Variants in ADAMTS19 observed in about 807,000 individuals in gnomAD.
ADAMTS19 encodes the protein A disintegrin and metalloproteinase with thrombospondin motifs 19.
In ADAMTS19, 93 loss-of-function variants were observed where a neutral mutation model predicts 153.3. The ratio of observed to expected loss-of-function variants is 0.61; its 90% CI spans 0.51 to 0.72. ADAMTS19 has a LOEUF of 0.72. Ranked by LOEUF, ADAMTS19 falls within the 30% of genes least tolerant of loss-of-function variation. ADAMTS19 has a pLI of 0.00. For missense variants in ADAMTS19, 1,482 were observed against 1,552.1 expected (o/e 0.95, Z 0.76); for synonymous variants, 600 against 556.6 (o/e 1.08, Z -1.10).
At chr5:129,674,006 G>A (rs1016707020) in intron 16 of ADAMTS19, among the ~76,000 whole-genome samples, 47 of 152,178 alleles carry the variant, frequency 3.1e-4, no homozygotes, top group African/African-American at 1.1e-3. Context: ...TGAGGTGGGC[G>A]GATCACCTGA....
chr5:129,711,432 T>C (rs1432224372), intron 21 of ADAMTS19, among the ~76,000 whole-genome samples: 1 of 152,154 alleles, frequency 6.6e-6, no homozygotes, highest in South Asian at 2.1e-4. Flanking sequence ...TCCCAGCACT[T>C]TGGGAGGCCG....
intron 16 of ADAMTS19, among the ~76,000 whole-genome samples, chr5:129,673,021 A>G (rs968485121): frequency 6.6e-6 from 1 of 152,004 alleles, no homozygotes; most frequent in African/African-American, 2.4e-5. Flanking sequence ...ATACTATAAT[A>G]CCTATAAGAA....
intron 8 of ADAMTS19, among the ~76,000 whole-genome samples, chr5:129,612,421 T>C (rs1342995515): frequency 6.6e-6 from 1 of 152,022 alleles, no homozygotes; most frequent in African/African-American, 2.4e-5. Flanking sequence ...CAACCCAGAA[T>C]TTCATATCCA....
At chr5:129,532,562 T>C (rs138217781) in intron 6 of ADAMTS19, among the ~76,000 whole-genome samples, 41 of 152,296 alleles carry the variant, frequency 2.7e-4, no homozygotes, top group African/African-American at 9.4e-4. Flanking sequence ...TTGCTTACCA[T>C]TTAGCCCACA....
rs60975520 is a variant in ADAMTS19 at position 129,549,929 on chromosome 5, T to G, written c.1329-1935T>G. Among the ~76,000 whole-genome samples the G allele has an allele frequency of 1.9e-3, 243 of 127,656 alleles. 3 individuals carry two copies. The highest frequency in any genetic ancestry group is 4.8e-3 in the African/African-American group (153 of 31,834). 83.7% of individuals were successfully genotyped at this position (127,656 alleles called of 152,430 possible). A position where few individuals can be genotyped will look rare whatever the true frequency, so the allele number is the denominator to read the frequency against. ...ATCCGTATATGTATATATGTATCTA[T>G]ATATACATATACATGTATCTGTATA... On this transcript the variant is annotated intron_variant, in intron 6 of 22. Transcript: ENST00000274487.
chr5:129,629,947 T>G lies in ADAMTS19; in HGVS notation c.1770+7599T>G, dbSNP rs548217528. ...AACCTTTTTCTGAAAAGGAAGGAAGTGTGATAAAACTGAAGACCTCCAGGA... is the reference window on the plus strand; with the variant it reads ...AACCTTTTTCTGAAAAGGAAGGAAGGGTGATAAAACTGAAGACCTCCAGGA... On this transcript the variant is annotated intron_variant, in intron 10 of 22. Coordinates refer to ENST00000274487, the MANE Select transcript of ADAMTS19 (RefSeq NM_133638.6). Among the ~76,000 whole-genome samples the G allele has an allele frequency of 7.9e-5, 12 of 152,108 alleles. No homozygotes were observed. In the East Asian group the frequency reaches 2.1e-3, roughly 27 times the overall value.
chr5:129,737,045 T>C, intron 22 of ADAMTS19, 22 bp from the exon 23 acceptor site: 1 of 1,560,920 alleles, frequency 6.4e-7, no homozygotes, highest in African/African-American at 1.4e-5. Flanking sequence ...ATGGAGTGAA[T>C]TCACTATGTT....
intron 14 of ADAMTS19, among the ~76,000 whole-genome samples, chr5:129,658,208 C>G (rs572081074): frequency 1.3e-5 from 2 of 151,934 alleles, no homozygotes; most frequent in Admixed American, 1.3e-4. Flanking sequence ...CTGGCTTCAG[C>G]CTGGGAGGCA....
At chr5:129,650,367 A>G (rs1753263858) in intron 13 of ADAMTS19, among the ~76,000 whole-genome samples, 1 of 152,050 alleles carries the variant, frequency 6.6e-6, no homozygotes, top group Admixed American at 6.6e-5. Flanking sequence ...CCTAAACTCC[A>G]TTGCCTGTCC....
intron 10 of ADAMTS19, among the ~76,000 whole-genome samples, chr5:129,625,049 C>T (rs1467052126): frequency 6.7e-6 from 1 of 150,044 alleles, no homozygotes; most frequent in Non-Finnish European, 1.5e-5. Context: ...CAAGTGTTCT[C>T]ATTGTTCAAT....
chr5:129,503,998 T>C (rs1751189309), intron 2 of ADAMTS19, among the ~76,000 whole-genome samples: 1 of 152,212 alleles, frequency 6.6e-6, no homozygotes, highest in Non-Finnish European at 1.5e-5. Flanking sequence ...TTCTCGGATG[T>C]ACTTTATATT....
intron 6 of ADAMTS19, among the ~76,000 whole-genome samples, chr5:129,536,435 G>C (rs1189865018): frequency 1.3e-5 from 2 of 152,186 alleles, no homozygotes; most frequent in Non-Finnish European, 1.5e-5. Context: ...AGGATGTGGA[G>C]AAATAGGAAC....
chr5:129,609,197 T>C (rs1751076112), intron 8 of ADAMTS19, among the ~76,000 whole-genome samples: 1 of 152,220 alleles, frequency 6.6e-6, no homozygotes, highest in Non-Finnish European at 1.5e-5. Context: ...AGAGGGAAAG[T>C]GCATTATTAG....
At chr5:129,647,992 C>G in intron 12 of ADAMTS19, 97 bp downstream of exon 12, 2 of 1,348,898 alleles carry the variant, frequency 1.5e-6, no homozygotes, top group Non-Finnish European at 2.0e-6. Flanking sequence ...AGAAGCTCCT[C>G]AAACTCTACT....
intron 2 of ADAMTS19, among the ~76,000 whole-genome samples, chr5:129,499,467 T>C (rs530688573): frequency 1.9e-4 from 29 of 152,232 alleles, no homozygotes; most frequent in Non-Finnish European, 3.1e-4. Flanking sequence ...ATGTTGTATA[T>C]GATAGAGTTG....
intron 19 of ADAMTS19, among the ~76,000 whole-genome samples, chr5:129,695,474 A>G (rs943943623): frequency 2.0e-5 from 3 of 152,164 alleles, no homozygotes; most frequent in Non-Finnish European, 4.4e-5. Context: ...ACAAAACAGC[A>G]ATGCTGAGCA....
At chr5:129,551,165 A>G (rs945773651) in intron 6 of ADAMTS19, among the ~76,000 whole-genome samples, 6 of 151,680 alleles carry the variant, frequency 4.0e-5, no homozygotes, top group Non-Finnish European at 7.4e-5. Flanking sequence ...ATAGCTAGTA[A>G]GAGGTAGATT....
intron 13 of ADAMTS19, among the ~76,000 whole-genome samples, chr5:129,651,699 A>T (rs1487767336): frequency 1.3e-5 from 2 of 152,176 alleles, no homozygotes; most frequent in East Asian, 1.9e-4. Flanking sequence ...CCTCCAAATT[A>T]TGTGTCCCTT....
intron 21 of ADAMTS19, among the ~76,000 whole-genome samples, chr5:129,707,756 A>G (rs952983487): frequency 1.3e-5 from 2 of 152,198 alleles, no homozygotes; most frequent in Non-Finnish European, 2.9e-5. Context: ...TGTCAGTTTC[A>G]CGCAAAGTCT....
Sources: allele counts gnomAD v4.1 joint callset (sites outside exome capture counted in the v4.1 genomes callset), GRCh38; gene constraint gnomAD v4.1.1; transcripts MANE v1.5; gene names NCBI Gene and HGNC (gene_info 2026-07-23, HGNC 2026-07-21).